KCNIP1: variants seen among roughly 807,000 people sequenced by gnomAD.
The protein encoded by KCNIP1 is potassium voltage-gated channel interacting protein 1, also known as A-type potassium channel modulatory protein KCNIP1.
In KCNIP1, 18 loss-of-function variants were observed where a neutral mutation model predicts 33.0. The ratio of observed to expected loss-of-function variants is 0.55; its 90% CI spans 0.38 to 0.81. The LOEUF is 0.81. KCNIP1 is among the 30% of genes least tolerant of loss of function. The probability of loss-of-function intolerance (pLI) is 0.00; values close to 1 mark genes in which losing one functional copy is unlikely to be tolerated. For missense variants in KCNIP1, 238 were observed against 271.6 expected, an observed-to-expected ratio of 0.88 and a Z score of 0.87; for synonymous variants, 93 against 98.3, an observed-to-expected ratio of 0.95 and a Z score of 0.32.
At chr5:170,464,749 G>A (rs908929446) in intron 1 of KCNIP1, among the ~76,000 whole-genome samples, 9 of 152,090 alleles carry the variant, frequency 5.9e-5, no homozygotes, top group Non-Finnish European at 1.0e-4. Flanking sequence ...GAGTTTCTTC[G>A]ACACAGGACC....
intron 1 of KCNIP1, among the ~76,000 whole-genome samples, chr5:170,674,557 G>GCTTGGA (rs1762058251): frequency 6.6e-6 from 1 of 152,186 alleles, no homozygotes; most frequent in South Asian, 2.1e-4. Flanking sequence ...GCACCTGTCA[G>GCTTGGA]CTTGGAACCC....
At chr5:170,494,356 G>T (rs879145703) in intron 1 of KCNIP1, among the ~76,000 whole-genome samples, 2 of 152,338 alleles carry the variant, frequency 1.3e-5, no homozygotes, top group Admixed American at 6.5e-5. Context: ...GCAAGAAGGA[G>T]CAACAGAAAA....
rs1373109033 is a variant in KCNIP1, at chr5:170,382,365, A to ATAGCCAAAGTTGACATATCTTG, written c.88+28402_88+28423dup. Among the ~76,000 whole-genome samples, 7 of 152,292 alleles carry ATAGCCAAAGTTGACATATCTTG rather than the reference A, an allele frequency of 4.6e-5. No homozygotes were observed. In the South Asian group the frequency reaches 1.5e-3, roughly 32 times the overall value. On this transcript the variant is annotated intron_variant, in intron 1 of 7. Coordinates refer to the KCNIP1 transcript ENST00000377360. ...TAAGACTCTTACAGGGTTCTAATGC[A>ATAGCCAAAGTTGACATATCTTG]TAGCCAAAGTTGACATATCTTGAGA...
intron 1 of KCNIP1, chr5:170,377,016 C>A (rs1196910736): frequency 6.6e-6 from 1 of 152,162 alleles, no homozygotes; most frequent in African/African-American, 2.4e-5. Flanking sequence ...AACTAAGAAT[C>A]AAAGAGATGA....
chr5:170,710,966 A>G (rs1763423964), intron 1 of KCNIP1, among the ~76,000 whole-genome samples: 1 of 152,230 alleles, frequency 6.6e-6, no homozygotes, highest in Non-Finnish European at 1.5e-5. Context: ...AAAATTCTAG[A>G]CCAGCAACCA....
intron 1 of KCNIP1, among the ~76,000 whole-genome samples, chr5:170,698,163 C>T (rs771232227): frequency 1.1e-4 from 16 of 152,086 alleles, no homozygotes; most frequent in South Asian, 2.1e-4. Flanking sequence ...TAAGCACTGC[C>T]GGGTACCCGG....
intron 1 of KCNIP1, chr5:170,378,828 A>C (rs1764115775): frequency 6.2e-7 from 1 of 1,614,116 alleles, no homozygotes; most frequent in Non-Finnish European, 8.5e-7. Context: ...GGGCCCGTAG[A>C]GGCGCTGGAA....
At chr5:170,663,196 G>A (rs141178364) in intron 1 of KCNIP1, among the ~76,000 whole-genome samples, 230 of 152,246 alleles carry the variant, frequency 1.5e-3, no homozygotes, top group African/African-American at 5.2e-3. Flanking sequence ...CCCGAGTCTC[G>A]GAATGACTTG....
intron 7 of KCNIP1, among the ~76,000 whole-genome samples, chr5:170,734,804 G>A (rs1161173701): frequency 1.3e-5 from 2 of 152,254 alleles, no homozygotes; most frequent in Non-Finnish European, 2.9e-5. Context: ...GATGTCCTAT[G>A]TGCAGGGTGA....
intron 1 of KCNIP1, among the ~76,000 whole-genome samples, chr5:170,404,050 G>C (rs1252975368): frequency 6.6e-6 from 1 of 152,116 alleles, no homozygotes; most frequent in East Asian, 1.9e-4. Flanking sequence ...CATGGCTTAA[G>C]TCTCCTCCTG....
At chr5:170,575,494 G>A (rs1757569187) in intron 1 of KCNIP1, among the ~76,000 whole-genome samples, 1 of 152,228 alleles carries the variant, frequency 6.6e-6, no homozygotes, top group Non-Finnish European at 1.5e-5. Context: ...TTCTAGGAAA[G>A]GGTCTTGTTA....
At chr5:170,700,819 T>C (rs1370642123) in intron 1 of KCNIP1, among the ~76,000 whole-genome samples, 1 of 152,092 alleles carries the variant, frequency 6.6e-6, no homozygotes, top group East Asian at 1.9e-4. Flanking sequence ...CTACCTAATT[T>C]CAAAAGGGTA....
intron 1 of KCNIP1, among the ~76,000 whole-genome samples, chr5:170,586,281 T>C (rs1757986795): frequency 6.6e-6 from 1 of 152,176 alleles, no homozygotes; most frequent in African/African-American, 2.4e-5. Flanking sequence ...GCCTCAAAGT[T>C]TACTTCTTTG....
intron 1 of KCNIP1, among the ~76,000 whole-genome samples, chr5:170,586,576 G>A (rs1163884163): frequency 2.6e-5 from 4 of 152,204 alleles, no homozygotes; most frequent in Non-Finnish European, 5.9e-5. Context: ...GTGTGGCTGG[G>A]GAAAGTTACC....
intron 1 of KCNIP1, among the ~76,000 whole-genome samples, chr5:170,605,000 ACT>A (rs1350094284): frequency 2.0e-5 from 3 of 152,174 alleles, no homozygotes; most frequent in Non-Finnish European, 4.4e-5. Flanking sequence ...TCAGGAAAGG[ACT>A]CAGGCACATG....
intron 1 of KCNIP1, among the ~76,000 whole-genome samples, chr5:170,384,684 G>A (rs1006589485): frequency 6.6e-5 from 10 of 152,240 alleles, no homozygotes; most frequent in African/African-American, 2.2e-4. Context: ...GGGGAACTGA[G>A]TGTCTTTGTT....
chr5:170,718,909 C>CT, intron 2 of KCNIP1, 27 bp downstream of exon 2: 1 of 1,596,102 alleles, frequency 6.3e-7, no homozygotes, highest in Non-Finnish European at 8.5e-7. Flanking sequence ...CTCTGAAGGC[C>CT]TGGGGGGGGT....
Position 170,489,422 on chromosome 5 carries a change from C to T in KCNIP1, c.88+135458C>T, listed in dbSNP as rs566921961. The stretch of plus-strand genomic sequence containing the variant: ...GTGCAGGAGGCCCCTGGGCAAGGGC[C>T]GGCCCTTCTCCTCTCCCTCAGTGTC... On this transcript the variant is annotated intron_variant, in intron 1 of 7. Coordinates refer to the KCNIP1 transcript ENST00000377360. This position sits in a 1 kb window ranked among gnomAD's most constrained non-coding sequence, Gnocchi z 4.3. Among the ~76,000 whole-genome samples the T allele has an allele frequency of 3.9e-5, 6 of 152,300 alleles. No individual in the cohort carries two copies. Among genetic ancestry groups the T allele is most frequent in the South Asian group, 4.1e-4 (2 of 4,830 alleles).
intron 2 of KCNIP1, among the ~76,000 whole-genome samples, chr5:170,719,165 C>T (rs1763734287): frequency 6.6e-6 from 1 of 152,118 alleles, no homozygotes; most frequent in Non-Finnish European, 1.5e-5. Context: ...AGCCTTAGCC[C>T]TTAACATAAT....
Sources: allele counts gnomAD v4.1 joint callset (sites outside exome capture counted in the v4.1 genomes callset), GRCh38; gene constraint gnomAD v4.1.1; non-coding constraint Gnocchi (gnomAD v3.1); transcripts MANE v1.5; gene names NCBI Gene and HGNC (gene_info 2026-07-23, HGNC 2026-07-21).